The following PIGL variants were observed in gnomAD, a reference collection of about 807,000 sequenced individuals.
The protein encoded by PIGL is phosphatidylinositol glycan anchor biosynthesis class L.
In PIGL, 22 loss-of-function variants were observed where a neutral mutation model predicts 31.1. The observed-to-expected ratio is 0.71, with a 90% CI of 0.51 to 1.01. The LOEUF (loss-of-function observed/expected upper bound fraction) is 1.01, where lower values mean the gene tolerates loss of function less well. Among genes scored for constraint, PIGL ranks in the 50% least tolerant of loss-of-function variants. PIGL has a pLI of 0.00. For missense variants in PIGL, 302 were observed against 315.9 expected, an observed-to-expected ratio of 0.96 and a Z score of 0.33; for synonymous variants, 131 against 117.4, an observed-to-expected ratio of 1.12 and a Z score of -0.75.
chr17:16,220,496 T>A (rs1261730207), intron 1 of PIGL, among the ~76,000 whole-genome samples: 10 of 142,642 alleles, frequency 7.0e-5, no homozygotes, highest in Non-Finnish European at 1.1e-4. Flanking sequence ...TTTTTTTTTT[T>A]TTTTTTTTTT....
chr17:16,249,453 C>T lies in PIGL; in HGVS notation c.335+15383C>T, dbSNP rs1461734787. Among the ~76,000 whole-genome samples the T allele has an allele frequency of 2.0e-5, 3 of 152,176 alleles. No homozygotes were observed. In the East Asian group the frequency reaches 5.8e-4, roughly 29 times the overall value. Reference sequence around the variant, plus strand: ...CAAGATCATGCCGTCACACTCCAGCCTGGGCAACAGAGCGACACAAAGACA... The same window carrying T: ...CAAGATCATGCCGTCACACTCCAGCTTGGGCAACAGAGCGACACAAAGACA... On this transcript the variant is annotated intron_variant, in intron 2 of 6. Coordinates refer to ENST00000225609, the MANE Select transcript of PIGL (RefSeq NM_004278.4).
chr17:16,245,815 TA>T (rs1311439672), intron 2 of PIGL, among the ~76,000 whole-genome samples: 1 of 101,286 alleles, frequency 9.9e-6, no homozygotes, highest in African/African-American at 4.9e-5. Flanking sequence ...CATATATATA[TA>T]TATATTTTTT....
intron 6 of PIGL, among the ~76,000 whole-genome samples, chr17:16,321,758 G>GTCTT (rs946127960): frequency 4.0e-5 from 6 of 150,340 alleles, no homozygotes; most frequent in African/African-American, 1.5e-4. Flanking sequence ...CTGTCTGTCT[G>GTCTT]TCTTTCTTTC....
At chr17:16,258,184 C>CT (rs1267389616) in intron 2 of PIGL, among the ~76,000 whole-genome samples, 82 of 104,348 alleles carry the variant, frequency 7.9e-4, no homozygotes, top group South Asian at 2.2e-3. Context: ...CTTTTTTTTT[C>CT]TTTTTTTTTT....
chr17:16,262,262 A>C (rs765309289), intron 2 of PIGL, among the ~76,000 whole-genome samples: 2 of 152,162 alleles, frequency 1.3e-5, no homozygotes, highest in African/African-American at 2.4e-5. Flanking sequence ...CAGGCGAAGG[A>C]CTTGAGTAGG....
At chr17:16,250,506 G>C (rs1322510110) in intron 2 of PIGL, among the ~76,000 whole-genome samples, 1 of 152,106 alleles carries the variant, frequency 6.6e-6, no homozygotes, top group Non-Finnish European at 1.5e-5. Flanking sequence ...AGGGATCACA[G>C]TTTAATCCAT....
chr17:16,226,766 G>T (rs973291497), intron 1 of PIGL, among the ~76,000 whole-genome samples: 4 of 152,164 alleles, frequency 2.6e-5, no homozygotes, highest in African/African-American at 9.7e-5. Context: ...TCCAGTGAAG[G>T]TATTGCCTTT....
chr17:16,254,253 C>A (rs938120750), intron 2 of PIGL, among the ~76,000 whole-genome samples: 2 of 152,056 alleles, frequency 1.3e-5, no homozygotes, highest in Non-Finnish European at 2.9e-5. Flanking sequence ...AGCATATACA[C>A]CAATTTTTTT....
At position 16,323,739 on chromosome 17, in the gene PIGL, C is replaced by T. The variant is rs190723600; in HGVS notation, c.661-2061C>T. Among the ~76,000 whole-genome samples the T allele has an allele frequency of 6.3e-4, 91 of 145,390 alleles. 1 individual carries two copies. In the East Asian group the frequency reaches 0.015, roughly 24 times the overall value. ...GTGATTCTCCTGCCTCAGCCTCCTG[C>T]GTAGCTGGGATTACAGACAGGCCGG... On this transcript the variant is annotated intron_variant, in intron 6 of 6. Transcript: ENST00000225609.
chr17:16,224,481 A>G (rs936914633), intron 1 of PIGL, among the ~76,000 whole-genome samples: 4 of 149,520 alleles, frequency 2.7e-5, no homozygotes, highest in African/African-American at 9.9e-5. Flanking sequence ...TAATTTTTGT[A>G]TTTTTAGTAG....
At chr17:16,256,666 A>G (rs760616824) in intron 2 of PIGL, among the ~76,000 whole-genome samples, 46 of 142,888 alleles carry the variant, frequency 3.2e-4, no homozygotes, top group Middle Eastern at 4.2e-3. Context: ...CACCCTTTAT[A>G]GTTGTTTTTT....
At chr17:16,295,502 C>A (rs1162327842) in intron 2 of PIGL, among the ~76,000 whole-genome samples, 1 of 151,286 alleles carries the variant, frequency 6.6e-6, no homozygotes, top group East Asian at 1.9e-4. Context: ...GAGTTATTAG[C>A]TGGGCTTGGT....
chr17:16,218,951 A>G (rs1317577831), intron 1 of PIGL, among the ~76,000 whole-genome samples: 1 of 151,832 alleles, frequency 6.6e-6, no homozygotes, highest in Non-Finnish European at 1.5e-5. Flanking sequence ...AGTGCTTGGG[A>G]TTACAAGTGT....
intron 2 of PIGL, among the ~76,000 whole-genome samples, chr17:16,256,727 G>GTATC (rs907626222): frequency 6.6e-6 from 1 of 151,266 alleles, no homozygotes; most frequent in African/African-American, 2.4e-5. Flanking sequence ...TTGAGACAGG[G>GTATC]TATCACTCTG....
At chr17:16,225,115 G>C (rs965999622) in intron 1 of PIGL, among the ~76,000 whole-genome samples, 1 of 151,982 alleles carries the variant, frequency 6.6e-6, no homozygotes, top group Non-Finnish European at 1.5e-5. Context: ...TATAATTAAG[G>C]TCTTAAATGT....
rs1488480345 is a variant in PIGL, at chr17:16,217,476, G to A, written c.235+15G>A. 1 of 1,589,650 alleles carries A rather than the reference G, an allele frequency of 6.3e-7. No homozygotes were observed. The highest frequency in any genetic ancestry group is 8.6e-7 in the Non-Finnish European group (1 of 1,157,882). On this transcript the variant is annotated intron_variant, in intron 1 of 6. Coordinates refer to ENST00000225609, the MANE Select transcript of PIGL (RefSeq NM_004278.4). ...CTTCTCTGCAGGTAGGAGGCCATAG[G>A]AGGGGCGATGGGAGCCGGGGCTTTG...
At chr17:16,226,217 C>A (rs1441231045) in intron 1 of PIGL, among the ~76,000 whole-genome samples, 2 of 152,044 alleles carry the variant, frequency 1.3e-5, no homozygotes, top group Non-Finnish European at 2.9e-5. Flanking sequence ...ACAAAGTATA[C>A]TTGTCTCTGC....
chr17:16,268,947 A>G (rs1361040209), intron 2 of PIGL, among the ~76,000 whole-genome samples: 1 of 152,024 alleles, frequency 6.6e-6, no homozygotes, highest in Admixed American at 6.6e-5. Flanking sequence ...TATTTTTAGT[A>G]GAGACAGGGT....
intron 4 of PIGL, among the ~76,000 whole-genome samples, chr17:16,314,438 C>T (rs1188306225): frequency 6.6e-6 from 1 of 152,200 alleles, no homozygotes; most frequent in African/African-American, 2.4e-5. Flanking sequence ...CCCAGCACCA[C>T]AAGGTTAAAC....
Sources: gnomAD v4.1 joint callset for allele counts (sites outside exome capture counted in the v4.1 genomes callset) on GRCh38, gnomAD v4.1.1 for gene constraint, MANE v1.5 for transcripts, NCBI Gene and HGNC (gene_info 2026-07-23, HGNC 2026-07-21) for gene names.